FGF22: variants seen among roughly 807,000 people sequenced by gnomAD.
FGF22 encodes fibroblast growth factor 22.
A neutral mutation model predicts 10.3 loss-of-function variants in FGF22; 11 were observed. The observed-to-expected ratio is 1.07, with a 90% CI of 0.67 to 1.77. FGF22 has a LOEUF of 1.77. Ranked by LOEUF, FGF22 falls within the 40% of genes most tolerant of loss-of-function variation. The pLI, the probability that FGF22 is intolerant of heterozygous loss-of-function variation, is 0.00. For missense variants in FGF22, 317 were observed against 273.2 expected, an observed-to-expected ratio of 1.16 and a Z score of -1.13; for synonymous variants, 136 against 122.1, an observed-to-expected ratio of 1.11 and a Z score of -0.75.
At chr19:641,651 T>A (rs540818951) in intron 1 of FGF22, 62 of 175,992 alleles carry the variant, frequency 3.5e-4, no homozygotes, top group African/African-American at 1.6e-3. Context: ...TGAACGGCGG[T>A]GTTGGGAGGC....
intron 1 of FGF22, chr19:641,676 G>C (rs1405879865): frequency 5.3e-6 from 1 of 189,462 alleles, no homozygotes; most frequent in Admixed American, 5.4e-5. Context: ...TGCCAGGGGA[G>C]GGGAGGTGCA....
At chr19:642,242 G>T (rs1437675376) in intron 1 of FGF22, among the ~76,000 whole-genome samples, 1 of 115,656 alleles carries the variant, frequency 8.6e-6, no homozygotes, top group Non-Finnish European at 1.9e-5. Flanking sequence ...ATATGGGGTG[G>T]TGTGAGCTGT....
At chr19:640,007 C>T in exon 1 of FGF22, 3 of 1,325,078 alleles carry the variant, frequency 2.3e-6, no homozygotes, top group East Asian at 3.1e-5. Context: ...GAGCGCGTCG[C>T]GGGGACCGCG....
exon 3 of FGF22, chr19:643,481 G>A (rs1212108465): frequency 8.1e-6 from 13 of 1,611,194 alleles, no homozygotes; most frequent in African/African-American, 1.3e-5. Context: ...ACGCCTCACA[G>A]CGCTGGCGCC....
exon 3 of FGF22, chr19:643,523 C>G: frequency 6.2e-7 from 1 of 1,607,110 alleles, no homozygotes; most frequent in East Asian, 2.2e-5. Flanking sequence ...TGGCGCTGGA[C>G]AGGAGGGGGG....
intron 1 of FGF22, chr19:640,626 C>T (rs554086213): frequency 1.5e-3 from 233 of 154,586 alleles, no homozygotes; most frequent in African/African-American, 5.2e-3. Context: ...ACAGGGGTGG[C>T]GGAGCTGGGT....
chr19:641,182 G>C (rs1216609595), intron 1 of FGF22: 1 of 456,544 alleles, frequency 2.2e-6, no homozygotes, highest in Non-Finnish European at 4.4e-6. Context: ...CTCCGCATGG[G>C]GGACCCAGTG....
chr19:643,160 T>C (rs1985962745), intron 1 of FGF22, 75 bp from the exon 2 acceptor site: 1 of 396,462 alleles, frequency 2.5e-6, no homozygotes, highest in African/African-American at 7.6e-5. Flanking sequence ...CTGAGGGCCC[T>C]GCACGAAGCA....
chr19:641,826 C>T (rs1568183954), intron 1 of FGF22, among the ~76,000 whole-genome samples: 1 of 152,042 alleles, frequency 6.6e-6, no homozygotes, highest in African/African-American at 2.4e-5. Context: ...TGGCCGGGCA[C>T]GCAGGGAACT....
At chr19:641,648 C>T (rs1017941729) in intron 1 of FGF22, 4 of 193,148 alleles carry the variant, frequency 2.1e-5, no homozygotes, top group Non-Finnish European at 4.4e-5. Context: ...CAGTGAACGG[C>T]GGTGTTGGGA....
At chr19:643,829 C>T (rs1568185092) in exon 3 of FGF22, 1 of 549,756 alleles carries the variant, frequency 1.8e-6, no homozygotes, top group Admixed American at 3.3e-5. Flanking sequence ...AACAGGGCGC[C>T]TCTCGGGCTG....
Position 643,409 on chromosome 19 carries a change from G to C in FGF22, c.319-1G>C, listed in dbSNP as rs1365062989. The C allele has an allele frequency of 6.2e-7, 1 of 1,610,394 alleles. No homozygotes were observed. The highest frequency in any genetic ancestry group is 1.1e-5 in the South Asian group (1 of 90,960). On this transcript the variant is annotated splice_acceptor_variant, in intron 2 of 2. Coordinates refer to ENST00000215530, the Ensembl canonical transcript of FGF22. LOFTEE classifies it high-confidence loss of function. The stretch of plus-strand genomic sequence containing the variant: ...TGGGCCGGCCTCACCCCCGCCCGCA[G>C]CGACTCTACACCGTGGACTGCAGGT...
At position 642,212 on chromosome 19, in the gene FGF22, AGGGCC is replaced by A. The variant is rs1290575608; in HGVS notation, c.215-1018_215-1014del. Reference sequence around the variant, plus strand: ...GCGTGGGCCGGGCAGCTGAGCTGTGAGGGCCGGGCTGGGGGCTCCATATGGGGTGG... The same window carrying A: ...GCGTGGGCCGGGCAGCTGAGCTGTGAGGGCTGGGGGCTCCATATGGGGTGG... On this transcript the variant is annotated intron_variant, in intron 1 of 2. Transcript: ENST00000215530. Among the ~76,000 whole-genome samples, 13 of 131,266 alleles carry A rather than the reference AGGGCC, an allele frequency of 9.9e-5. 3 individuals carry two copies. Among genetic ancestry groups the A allele is most frequent in the South Asian group, 2.6e-4 (1 of 3,898 alleles). 86.1% of individuals were successfully genotyped at this position (131,266 alleles called of 152,430 possible).
In FGF22 at chr19:643,489, G is replaced by A. The variant is rs747876693; in HGVS notation, c.398G>A (p.Arg133His). 4 of 1,610,692 alleles carry A rather than the reference G, an allele frequency of 2.5e-6. No homozygotes were observed. Among genetic ancestry groups the A allele is most frequent in the Admixed American group, 1.7e-5 (1 of 59,942 alleles). Reference sequence around the variant, plus strand: ...AACACCTACGCCTCACAGCGCTGGCGCCGCCGCGGCCAGCCCATGTTCCTG... The same window carrying A: ...AACACCTACGCCTCACAGCGCTGGCACCGCCGCGGCCAGCCCATGTTCCTG... Residue 133 changes from arginine (R) to histidine (H), a missense_variant, in exon 3 of 3, where the codon CGC becomes CAC. Transcript: ENST00000215530.
intron 1 of FGF22, among the ~76,000 whole-genome samples, chr19:642,134 A>G (rs903378854): frequency 6.6e-6 from 1 of 152,160 alleles, no homozygotes; most frequent in African/African-American, 2.4e-5. Flanking sequence ...ACTCTAGGCC[A>G]CTGCCAGCCC....
intron 1 of FGF22, chr19:641,150 C>T (rs756889441): frequency 4.4e-6 from 2 of 456,216 alleles, no homozygotes; most frequent in Admixed American, 2.3e-5. Flanking sequence ...GGTCACTAAT[C>T]GGGCACCTTG....
intron 1 of FGF22, among the ~76,000 whole-genome samples, chr19:641,834 A>G (rs907806167): frequency 3.9e-5 from 6 of 151,984 alleles, no homozygotes; most frequent in African/African-American, 1.4e-4. Flanking sequence ...CACGCAGGGA[A>G]CTGTACACCC....
exon 3 of FGF22, chr19:643,521 G>C: frequency 6.2e-7 from 1 of 1,607,408 alleles, no homozygotes; most frequent in Non-Finnish European, 8.5e-7. Flanking sequence ...CCTGGCGCTG[G>C]ACAGGAGGGG....
Position 643,426 on chromosome 19 carries a change from A to C in FGF22, c.335A>C (p.Asp112Ala), listed in dbSNP as rs374379884. 3.7e-6 allele frequency: 6 copies of C among 1,610,694 alleles called. No individual in the cohort carries two copies. In the South Asian group the frequency reaches 5.5e-5, roughly 15 times the overall value. Reference sequence around the variant, plus strand: ...CGCCCGCAGCGACTCTACACCGTGGACTGCAGGTTCCGGGAGCGCATCGAA... The same window carrying C: ...CGCCCGCAGCGACTCTACACCGTGGCCTGCAGGTTCCGGGAGCGCATCGAA... The change falls in exon 3 of 3, where the codon GAC (aspartate) becomes GCC (alanine). Residue 112 changes from aspartate to alanine, a missense_variant. Asp to Ala is a moderately radical substitution (Grantham distance 126). Coordinates refer to ENST00000215530, the Ensembl canonical transcript of FGF22.
Sources: allele counts gnomAD v4.1 joint callset (sites outside exome capture counted in the v4.1 genomes callset), GRCh38; gene constraint gnomAD v4.1.1; transcripts MANE v1.5; gene names NCBI Gene and HGNC (gene_info 2026-07-23, HGNC 2026-07-21).